Variants in RPA1 observed in about 807,000 individuals in gnomAD.
RPA1 encodes replication protein A 70 kDa DNA-binding subunit.
A neutral mutation model predicts 83.0 loss-of-function variants in RPA1; 49 were observed. The observed-to-expected ratio is 0.59, with a 90% CI of 0.47 to 0.75. The LOEUF is 0.75. Ranked by LOEUF, RPA1 falls within the 30% of genes least tolerant of loss-of-function variation. The probability of loss-of-function intolerance (pLI) is 0.00; values close to 1 mark genes in which losing one functional copy is unlikely to be tolerated. For synonymous variants in RPA1, 279 were observed against 281.8 expected (o/e 0.99, Z 0.10); for missense variants, 693 against 776.1 (o/e 0.89, Z 1.27).
intron 1 of RPA1, among the ~76,000 whole-genome samples, chr17:1,842,162 T>TG (rs768362606): frequency 2.6e-5 from 4 of 152,082 alleles, no homozygotes; most frequent in South Asian, 2.1e-4. Flanking sequence ...GGGTGGTCTT[T>TG]GTTTTTTTTT....
At chr17:1,886,762 A>T (rs1036761464) in intron 13 of RPA1, among the ~76,000 whole-genome samples, 3 of 138,870 alleles carry the variant, frequency 2.2e-5, no homozygotes, top group African/African-American at 8.3e-5. Context: ...GCTGGAGTGC[A>T]GTGGTGCAAT....
At chr17:1,850,594 C>T (rs1356748349) in intron 4 of RPA1, among the ~76,000 whole-genome samples, 1 of 149,470 alleles carries the variant, frequency 6.7e-6, no homozygotes, top group Non-Finnish European at 1.5e-5. Flanking sequence ...GCAATAAATC[C>T]TGCCTTAAAA....
chr17:1,843,668 CA>C lies in RPA1; in HGVS notation c.85-251del, dbSNP rs1317430807. Among the ~76,000 whole-genome samples, 21 of 148,728 alleles carry C rather than the reference CA, an allele frequency of 1.4e-4. No individual in the cohort carries two copies. In the East Asian group the frequency reaches 1.8e-3, roughly 13 times the overall value. ...AATTGATTTTTAACCATATTTGAGT[CA>C]GGGGTGAGAACACAAGAGTATAGGC... On this transcript the variant is annotated intron_variant, in intron 2 of 16. Transcript: ENST00000254719.
chr17:1,841,248 A>C (rs919711597), intron 1 of RPA1, among the ~76,000 whole-genome samples: 1 of 152,156 alleles, frequency 6.6e-6, no homozygotes, highest in African/African-American at 2.4e-5. Flanking sequence ...AGGATTTTCT[A>C]TGTAAACGAT....
intron 12 of RPA1, among the ~76,000 whole-genome samples, chr17:1,881,245 T>C (rs1231009302): frequency 6.6e-6 from 1 of 152,180 alleles, no homozygotes; most frequent in African/African-American, 2.4e-5. Context: ...AACTCTGTCT[T>C]AAAAGAGTAC....
chr17:1,891,018 C>T lies in RPA1; in HGVS notation c.1552-815C>T, dbSNP rs17339151. Among the ~76,000 whole-genome samples the T allele has an allele frequency of 7.9e-3, 1,203 of 152,246 alleles. 15 individuals are homozygous for T. Among genetic ancestry groups the T allele is most frequent in the African/African-American group, 0.028 (1,152 of 41,524 alleles). On this transcript the variant is annotated intron_variant, in intron 14 of 16. Coordinates refer to ENST00000254719, the MANE Select transcript of RPA1 (RefSeq NM_002945.5). ...AGCGCTTTTCACTTTTAACTGGTTT[C>T]GTCACCTTATTTTTCGTCATAACAT...
rs554473039 is a variant in RPA1 at position 1,853,764 on chromosome 17, T to C, written c.361+575T>C. 3.6e-4 allele frequency among the ~76,000 whole-genome samples: 55 copies of C among 152,340 alleles called. No homozygotes were observed. In the South Asian group the frequency reaches 0.011, roughly 31 times the overall value. On this transcript the variant is annotated intron_variant, in intron 5 of 16. Transcript: ENST00000254719. The stretch of plus-strand genomic sequence containing the variant: ...TCTAGGATATCACAGTAATATAGGA[T>C]ACTACAGGATATCTGTAATATTAAT...
At chr17:1,854,306 G>A (rs1188137608) in intron 5 of RPA1, 1 of 151,824 alleles carries the variant, frequency 6.6e-6, no homozygotes, top group African/African-American at 2.4e-5. Context: ...TTTCAAGTTA[G>A]AAAATGAAAC....
intron 13 of RPA1, among the ~76,000 whole-genome samples, chr17:1,888,240 C>T (rs1397973303): frequency 2.6e-5 from 4 of 152,110 alleles, no homozygotes; most frequent in African/African-American, 7.2e-5. Context: ...GTTTTGAGCG[C>T]GGGAGGGATG....
chr17:1,882,146 G>A (rs1360709884), intron 12 of RPA1, among the ~76,000 whole-genome samples: 2 of 151,990 alleles, frequency 1.3e-5, no homozygotes, highest in Non-Finnish European at 2.9e-5. Context: ...TTTCATCTCC[G>A]GCCAGCTCCT....
At chr17:1,846,773 G>T (rs1262023282) in intron 4 of RPA1, among the ~76,000 whole-genome samples, 1 of 152,108 alleles carries the variant, frequency 6.6e-6, no homozygotes, top group Non-Finnish European at 1.5e-5. Flanking sequence ...AGATAACTTT[G>T]ATCTCCGCAT....
intron 2 of RPA1, among the ~76,000 whole-genome samples, chr17:1,843,598 C>CATTATCATTATT (rs1555586173): frequency 3.5e-5 from 5 of 141,124 alleles, no homozygotes; most frequent in African/African-American, 1.3e-4. Context: ...TTGGGTGCTT[C>CATTATCATTATT]ATTATTATTA....
intron 4 of RPA1, among the ~76,000 whole-genome samples, chr17:1,845,133 G>C (rs763788566): frequency 6.8e-4 from 102 of 150,206 alleles, no homozygotes; most frequent in Non-Finnish European, 1.1e-3. Context: ...TTTTACAGCA[G>C]AAAATGATAA....
intron 1 of RPA1, among the ~76,000 whole-genome samples, chr17:1,833,030 G>A (rs957927453): frequency 2.6e-5 from 4 of 152,094 alleles, no homozygotes; most frequent in Admixed American, 6.6e-5. Context: ...GGGTTCAAGC[G>A]ATTCTCCTGT....
chr17:1,869,772 G>A (rs1913310928), intron 5 of RPA1, among the ~76,000 whole-genome samples: 3 of 152,030 alleles, frequency 2.0e-5, no homozygotes, highest in Non-Finnish European at 4.4e-5. Context: ...ATTTTTCTGG[G>A]GTCTCGTGGC....
At chr17:1,832,021 T>C (rs1163284649) in intron 1 of RPA1, among the ~76,000 whole-genome samples, 2 of 150,066 alleles carry the variant, frequency 1.3e-5, no homozygotes, top group Non-Finnish European at 3.0e-5. Flanking sequence ...CTCTGCCTTC[T>C]GGGTTCAGGC....
intron 5 of RPA1, among the ~76,000 whole-genome samples, chr17:1,856,807 T>C (rs1036572153): frequency 2.6e-5 from 4 of 151,664 alleles, no homozygotes; most frequent in Non-Finnish European, 5.9e-5. Flanking sequence ...GCTGGAATTA[T>C]AGCATATATA....
At chr17:1,841,348 G>A (rs908037124) in intron 1 of RPA1, among the ~76,000 whole-genome samples, 1 of 152,096 alleles carries the variant, frequency 6.6e-6, no homozygotes, top group Admixed American at 6.5e-5. Flanking sequence ...CTGTCGCCCA[G>A]GCTGGAGTGC....
chr17:1,831,998 G>A lies in RPA1; in HGVS notation c.33+1872G>A, dbSNP rs949826915. The stretch of plus-strand genomic sequence containing the variant: ...GGCTGGAGTGCGGTGGCGCAATCTC[G>A]GCTCACTGCAACCTCTGCCTTCTGG... On this transcript the variant is annotated intron_variant, in intron 1 of 16. Transcript: ENST00000254719. 5.4e-5 allele frequency among the ~76,000 whole-genome samples: 8 copies of A among 147,790 alleles called. No homozygotes were observed. In the Admixed American group the frequency reaches 5.5e-4, roughly 10 times the overall value.
Sources: gnomAD v4.1 joint callset for allele counts (sites outside exome capture counted in the v4.1 genomes callset) on GRCh38, gnomAD v4.1.1 for gene constraint, MANE v1.5 for transcripts, NCBI Gene and HGNC (gene_info 2026-07-23, HGNC 2026-07-21) for gene names.